The following CDH4 variants were observed in gnomAD, a reference collection of about 807,000 sequenced individuals.
CDH4 encodes cadherin 4, also known as cadherin-4.
CDH4 carries 33 observed loss-of-function variants against 86.0 expected under a neutral mutation model. The observed-to-expected ratio is 0.38, with a 90% CI of 0.29 to 0.51. The LOEUF (loss-of-function observed/expected upper bound fraction) is 0.51, where lower values mean the gene tolerates loss of function less well. Among genes scored for constraint, CDH4 ranks in the 20% least tolerant of loss-of-function variants. The pLI is 0.86. For synonymous variants in CDH4, 555 were observed against 549.4 expected (o/e 1.01, Z -0.14); for missense variants, 1,114 against 1,307.4 (o/e 0.85, Z 2.28).
intron 6 of CDH4, among the ~76,000 whole-genome samples, chr20:61,856,451 G>A (rs540740735): frequency 2.5e-3 from 347 of 138,802 alleles, no homozygotes; most frequent in Middle Eastern, 0.016. Context: ...TGGGATCCAC[G>A]AGAATCCTTC....
At chr20:61,621,951 A>G (rs1190449440) in intron 2 of CDH4, among the ~76,000 whole-genome samples, 1 of 152,236 alleles carries the variant, frequency 6.6e-6, no homozygotes, top group East Asian at 1.9e-4. Flanking sequence ...GGCTCCTGTC[A>G]AAGCTCTGTG....
intron 4 of CDH4, among the ~76,000 whole-genome samples, chr20:61,797,829 C>G (rs949874149): frequency 1.3e-5 from 2 of 152,190 alleles, no homozygotes; most frequent in Non-Finnish European, 2.9e-5. Flanking sequence ...GGCCTCCCCA[C>G]TGAGGTTCTG....
At chr20:61,427,642 G>A (rs142433289) in intron 2 of CDH4, among the ~76,000 whole-genome samples, 10 of 152,042 alleles carry the variant, frequency 6.6e-5, no homozygotes, top group Non-Finnish European at 1.5e-4. Flanking sequence ...TCTCTACTTG[G>A]AACTTCTGGG....
intron 2 of CDH4, among the ~76,000 whole-genome samples, chr20:61,265,928 C>T (rs1411452789): frequency 2.6e-5 from 4 of 152,132 alleles, no homozygotes; most frequent in Non-Finnish European, 5.9e-5. Flanking sequence ...CCTTGTGGGT[C>T]CTGAGGTGGG....
chr20:61,380,531 T>TTTTTTCCCCC (rs2084894574), intron 2 of CDH4, among the ~76,000 whole-genome samples: 2 of 148,838 alleles, frequency 1.3e-5, no homozygotes, highest in African/African-American at 5.0e-5. Flanking sequence ...CAAACCCCCC[T>TTTTTTCCCCC]GCCCCCTCCC....
At chr20:61,338,897 T>C (rs2084634033) in intron 2 of CDH4, among the ~76,000 whole-genome samples, 1 of 152,180 alleles carries the variant, frequency 6.6e-6, no homozygotes, top group Non-Finnish European at 1.5e-5. Context: ...CTCTTGAACA[T>C]GCCTCCAAAG....
At chr20:61,272,646 A>G (rs997415673) in intron 2 of CDH4, among the ~76,000 whole-genome samples, 1 of 152,242 alleles carries the variant, frequency 6.6e-6, no homozygotes, top group Admixed American at 6.5e-5. Context: ...AGGGGATACC[A>G]TGGGCAGTTT....
At chr20:61,625,250 G>A (rs542968692) in intron 2 of CDH4, among the ~76,000 whole-genome samples, 44 of 152,268 alleles carry the variant, frequency 2.9e-4, no homozygotes, top group Middle Eastern at 6.8e-3. Context: ...CTGCTCACTC[G>A]ACCGCAGGGA....
At chr20:61,636,038 C>A (rs935453384) in intron 2 of CDH4, among the ~76,000 whole-genome samples, 1 of 152,240 alleles carries the variant, frequency 6.6e-6, no homozygotes, top group Non-Finnish European at 1.5e-5. Context: ...AGGACGCCAG[C>A]GGCTGGGCCT....
chr20:61,722,429 C>G (rs1390100632), intron 2 of CDH4, among the ~76,000 whole-genome samples: 1 of 152,200 alleles, frequency 6.6e-6, no homozygotes, highest in Non-Finnish European at 1.5e-5. Context: ...GATTTCACCT[C>G]CTCAGGCCTC....
At chr20:61,719,144 C>G (rs1291744911) in intron 2 of CDH4, 2 of 470,380 alleles carry the variant, frequency 4.3e-6, no homozygotes, top group Non-Finnish European at 8.8e-6. Context: ...GGCTTTGCAT[C>G]TGAAAGCCAC....
chr20:61,332,541 C>T (rs2123266582), intron 2 of CDH4, among the ~76,000 whole-genome samples: 1 of 152,362 alleles, frequency 6.6e-6, no homozygotes, highest in Admixed American at 6.5e-5. Context: ...GCCACTGCCG[C>T]CTCTGTGCCT....
At chr20:61,280,779 G>A (rs554907917) in intron 2 of CDH4, among the ~76,000 whole-genome samples, 3 of 152,280 alleles carry the variant, frequency 2.0e-5, no homozygotes, top group Admixed American at 1.3e-4. Flanking sequence ...CGTGTGAAGC[G>A]CCGGCCACAG....
At chr20:61,914,429 AC>A (rs1465388442) in intron 9 of CDH4, among the ~76,000 whole-genome samples, 2 of 151,044 alleles carry the variant, frequency 1.3e-5, no homozygotes, top group Non-Finnish European at 1.5e-5. Context: ...AGTCCTCAAA[AC>A]CCTCTTTGGG....
intron 2 of CDH4, among the ~76,000 whole-genome samples, chr20:61,452,412 C>A (rs1274430208): frequency 6.6e-6 from 1 of 152,086 alleles, no homozygotes; most frequent in East Asian, 1.9e-4. Flanking sequence ...GATTGCTAAT[C>A]CTAGTGGGAA....
intron 2 of CDH4, among the ~76,000 whole-genome samples, chr20:61,562,570 GCA>G (rs1353139403): frequency 6.6e-6 from 1 of 152,192 alleles, no homozygotes; most frequent in Non-Finnish European, 1.5e-5. Flanking sequence ...GTGCGTCCCT[GCA>G]GGATCTGAGC....
chr20:61,353,229 G>A (rs906138387), intron 2 of CDH4, among the ~76,000 whole-genome samples: 1 of 151,960 alleles, frequency 6.6e-6, no homozygotes, highest in African/African-American at 2.4e-5. Flanking sequence ...AAGCTTAGTT[G>A]GTGGGAGGGG....
At chr20:61,667,079 C>T (rs1344440464) in intron 2 of CDH4, among the ~76,000 whole-genome samples, 2 of 152,238 alleles carry the variant, frequency 1.3e-5, no homozygotes, top group East Asian at 1.9e-4. Context: ...ATAAGCTGCA[C>T]CCAGGGTCCC....
chr20:61,388,904 C>T (rs573810119), intron 2 of CDH4, among the ~76,000 whole-genome samples: 2 of 152,298 alleles, frequency 1.3e-5, no homozygotes, highest in South Asian at 2.1e-4. Context: ...TATTCTGTTT[C>T]GATTTTTTTA....
Sources: allele counts gnomAD v4.1 joint callset (sites outside exome capture counted in the v4.1 genomes callset), GRCh38; gene constraint gnomAD v4.1.1; transcripts MANE v1.5; gene names NCBI Gene and HGNC (gene_info 2026-07-23, HGNC 2026-07-21).